Variants in MVB12B observed in about 807,000 individuals in gnomAD.
The protein encoded by MVB12B is ESCRT-I complex subunit MVB12B.
Under a neutral mutation model 41.6 loss-of-function variants are expected in MVB12B, and 16 were observed. The ratio of observed to expected loss-of-function variants is 0.38; its 90% CI spans 0.26 to 0.58. The LOEUF (loss-of-function observed/expected upper bound fraction) is 0.58. Among genes scored for constraint, MVB12B ranks in the 20% least tolerant of loss-of-function variants. The probability of loss-of-function intolerance (pLI) is 0.62; values close to 1 mark genes in which losing one functional copy is unlikely to be tolerated. For synonymous variants in MVB12B, 133 were observed against 139.7 expected (o/e 0.95, Z 0.34); for missense variants, 274 against 380.2 (o/e 0.72, Z 2.32).
intron 2 of MVB12B, among the ~76,000 whole-genome samples, chr9:126,377,765 GT>G (rs2118950347): frequency 1.3e-5 from 2 of 152,286 alleles, no homozygotes; most frequent in South Asian, 4.1e-4. Flanking sequence ...TATCATTTGT[GT>G]TTGGAAAGAC....
Position 126,484,181 on chromosome 9 carries a change from C to T in MVB12B, c.873+149C>T, listed in dbSNP as rs1833586904. ...CTGAGAAAAACACTTTCGTTGCACC[C>T]AAATGTGTTTCTTAGATAAAGTAAC... is the stretch of plus-strand genomic sequence containing the variant. On this transcript the variant is annotated intron_variant, in intron 9 of 9. Transcript: ENST00000361171. 4.5e-6 allele frequency: 3 copies of T among 671,212 alleles called. No individual in the cohort carries two copies. In the African/African-American group the frequency reaches 5.4e-5, roughly 12 times the overall value. The allele number at this position is 671,212 out of a possible 1,614,324, so 41.6% of individuals were successfully genotyped here.
intron 2 of MVB12B, among the ~76,000 whole-genome samples, chr9:126,375,657 CA>C (rs1830463258): frequency 6.6e-6 from 1 of 152,176 alleles, no homozygotes; most frequent in South Asian, 2.1e-4. Flanking sequence ...TCTGCTGATG[CA>C]TCCTCCAGTA....
intron 6 of MVB12B, among the ~76,000 whole-genome samples, chr9:126,407,684 C>T (rs1040229793): frequency 2.6e-5 from 4 of 151,970 alleles, no homozygotes; most frequent in Non-Finnish European, 4.4e-5. Context: ...GCGAGGGGGG[C>T]GACAGGGAAT....
chr9:126,352,127 G>A (rs936060535), intron 2 of MVB12B, among the ~76,000 whole-genome samples: 2 of 151,820 alleles, frequency 1.3e-5, no homozygotes, highest in African/African-American at 4.8e-5. Flanking sequence ...TTTTTTGGCT[G>A]TTACAGATGT....
chr9:126,339,569 GAAT>G (rs1829380660), intron 1 of MVB12B, among the ~76,000 whole-genome samples: 1 of 152,178 alleles, frequency 6.6e-6, no homozygotes, highest in Admixed American at 6.5e-5. Context: ...GTCAGCAGCA[GAAT>G]AATAATTCCA....
intron 9 of MVB12B, among the ~76,000 whole-genome samples, chr9:126,488,274 G>A (rs1833661636): frequency 8.3e-6 from 1 of 120,454 alleles, no homozygotes; most frequent in African/African-American, 3.1e-5. Context: ...TGAGGGGCTT[G>A]GGGGTGGAGA....
At chr9:126,501,480 C>T (rs148443063) in intron 9 of MVB12B, among the ~76,000 whole-genome samples, 19 of 152,344 alleles carry the variant, frequency 1.2e-4, no homozygotes, top group African/African-American at 2.2e-4. Flanking sequence ...CTCAGCCCAC[C>T]GTGCACACGG....
At chr9:126,432,764 T>G (rs1179779789) in intron 7 of MVB12B, among the ~76,000 whole-genome samples, 4 of 152,164 alleles carry the variant, frequency 2.6e-5, no homozygotes, top group African/African-American at 9.7e-5. Flanking sequence ...CTGCAGACAT[T>G]GAGCTCGAAA....
intron 3 of MVB12B, 53 bp downstream of exon 3, chr9:126,381,224 C>A (rs1362489074): frequency 1.6e-6 from 2 of 1,256,736 alleles, no homozygotes; most frequent in African/African-American, 1.5e-5. Context: ...AATTTACATT[C>A]CTGTTTGGAA....
At position 126,394,590 on chromosome 9, in the gene MVB12B, G is replaced by A. The variant is rs117593403; in HGVS notation, c.540-985G>A. On this transcript the variant is annotated intron_variant, in intron 5 of 9. Transcript: ENST00000361171. ...CTACATGTTACTTTGCAAGGGTTTG[G>A]GATTGTCAGTTGGGGAAGATAGAAA... is the stretch of plus-strand genomic sequence containing the variant. Among the ~76,000 whole-genome samples, 90 of 152,318 alleles carry A rather than the reference G, an allele frequency of 5.9e-4. No individual in the cohort carries two copies. In the East Asian group the frequency reaches 0.014, roughly 23 times the overall value.
chr9:126,331,733 A>G (rs1462407283), intron 1 of MVB12B, among the ~76,000 whole-genome samples: 1 of 152,228 alleles, frequency 6.6e-6, no homozygotes, highest in African/African-American at 2.4e-5. Context: ...TCAGAGCTGG[A>G]ATTCAAGCTC....
intron 9 of MVB12B, among the ~76,000 whole-genome samples, chr9:126,500,391 C>T (rs1160585709): frequency 6.6e-6 from 1 of 152,184 alleles, no homozygotes; most frequent in Non-Finnish European, 1.5e-5. Context: ...CCCCCTCCCC[C>T]AACCAGTCCT....
At chr9:126,451,509 G>A (rs1270184614) in intron 7 of MVB12B, among the ~76,000 whole-genome samples, 1 of 152,156 alleles carries the variant, frequency 6.6e-6, no homozygotes, top group Non-Finnish European at 1.5e-5. Context: ...GGAGACCAGA[G>A]ACAGCAAGGC....
chr9:126,470,530 G>A lies in MVB12B; in HGVS notation c.758-10839G>A, dbSNP rs559283060. Among the ~76,000 whole-genome samples, 29 of 152,238 alleles carry A rather than the reference G, an allele frequency of 1.9e-4. 1 individual carries two copies. The South Asian group carries it at 4.1e-3, about 22-fold the overall frequency. ...GAGGGACTGCCCTGAAGGAGGAGGTGGGGGGGCTGGTGGCCCTAGATTCCT... is the reference window on the plus strand; with the variant it reads ...GAGGGACTGCCCTGAAGGAGGAGGTAGGGGGGCTGGTGGCCCTAGATTCCT... On this transcript the variant is annotated intron_variant, in intron 7 of 9. Transcript: ENST00000361171.
intron 6 of MVB12B, among the ~76,000 whole-genome samples, chr9:126,403,214 A>G (rs940897380): frequency 2.0e-5 from 3 of 152,150 alleles, no homozygotes; most frequent in African/African-American, 7.2e-5. Flanking sequence ...CGCCCCCCAC[A>G]CATCCTCTTA....
chr9:126,480,501 G>A lies in MVB12B; in HGVS notation c.758-868G>A, dbSNP rs866862845. On this transcript the variant is annotated intron_variant, in intron 7 of 9. Transcript: ENST00000361171. The surrounding 1 kb of genome is among the most constrained non-coding windows in gnomAD (Gnocchi z 4.9). Reference sequence around the variant, plus strand: ...GGCACACCCTGGGTCGTTTCTGTCCGTGTGCTTTTGAAAGCGATCCCCTGG... The same window carrying A: ...GGCACACCCTGGGTCGTTTCTGTCCATGTGCTTTTGAAAGCGATCCCCTGG... 4.6e-5 allele frequency among the ~76,000 whole-genome samples: 7 copies of A among 152,178 alleles called. No individual in the cohort carries two copies. Among genetic ancestry groups the A allele is most frequent in the African/African-American group, 1.7e-4 (7 of 41,434 alleles).
chr9:126,411,626 T>C (rs1217884790), intron 6 of MVB12B, among the ~76,000 whole-genome samples: 1 of 152,190 alleles, frequency 6.6e-6, no homozygotes, highest in African/African-American at 2.4e-5. Context: ...TGTCTTGGCT[T>C]GTGTCAATTA....
chr9:126,387,656 G>C (rs922483094), intron 4 of MVB12B, among the ~76,000 whole-genome samples: 1 of 152,090 alleles, frequency 6.6e-6, no homozygotes, highest in African/African-American at 2.4e-5. Flanking sequence ...ATTGCTTTTT[G>C]TCATTTATTA....
intron 1 of MVB12B, among the ~76,000 whole-genome samples, chr9:126,338,441 G>A (rs1829347906): frequency 6.6e-6 from 1 of 152,232 alleles, no homozygotes; most frequent in Non-Finnish European, 1.5e-5. Context: ...AGGATACTGT[G>A]ACCAGGGGAT....
Sources: gnomAD v4.1 joint callset for allele counts (sites outside exome capture counted in the v4.1 genomes callset) on GRCh38, gnomAD v4.1.1 for gene constraint, Gnocchi (gnomAD v3.1) non-coding constraint, MANE v1.5 for transcripts, NCBI Gene and HGNC (gene_info 2026-07-23, HGNC 2026-07-21) for gene names.